SHANK2: variants seen among roughly 807,000 people sequenced by gnomAD.
SHANK2 encodes SH3 and multiple ankyrin repeat domains protein 2.
Under a neutral mutation model 133.7 loss-of-function variants are expected in SHANK2, and 43 were observed. The observed-to-expected ratio is 0.32, with a 90% CI of 0.25 to 0.41. SHANK2 has a LOEUF of 0.41. Ranked by LOEUF, SHANK2 falls within the 10% of genes least tolerant of loss-of-function variation. The pLI, the probability that SHANK2 is intolerant of heterozygous loss-of-function variation, is 1.00. For missense variants in SHANK2, 1,994 were observed against 2,235.8 expected (o/e 0.89, Z 2.18); for synonymous variants, 1,017 against 952.8 (o/e 1.07, Z -1.24).
At chr11:70,883,906 T>C (rs1949697094) in intron 11 of SHANK2, among the ~76,000 whole-genome samples, 1 of 152,220 alleles carries the variant, frequency 6.6e-6, no homozygotes, top group African/African-American at 2.4e-5. Context: ...GCCTTGGTCA[T>C]GACCTTGGTG....
At chr11:71,064,054 T>C (rs1951017975) in intron 9 of SHANK2, among the ~76,000 whole-genome samples, 1 of 151,878 alleles carries the variant, frequency 6.6e-6, no homozygotes, top group South Asian at 2.1e-4. Flanking sequence ...TCCCACTGGC[T>C]GCTGGATTCC....
At chr11:71,155,941 A>G (rs1394968392) in intron 2 of SHANK2, among the ~76,000 whole-genome samples, 1 of 152,238 alleles carries the variant, frequency 6.6e-6, no homozygotes, top group South Asian at 2.1e-4. Context: ...TTAAGGTTCC[A>G]CAAGGTCTTA....
intron 10 of SHANK2, among the ~76,000 whole-genome samples, chr11:70,951,520 T>C (rs1056750255): frequency 4.5e-5 from 6 of 134,326 alleles, no homozygotes; most frequent in African/African-American, 1.7e-4. Context: ...GCTGCTGTGC[T>C]GTGATGTCAT....
chr11:70,730,474 C>T (rs1370317130), intron 14 of SHANK2, among the ~76,000 whole-genome samples: 5 of 152,058 alleles, frequency 3.3e-5, no homozygotes, highest in South Asian at 4.1e-4. Context: ...GCATCTCACC[C>T]GACTATCCCA....
chr11:70,503,047 A>C, intron 17 of SHANK2, 116 bp from the exon 18 acceptor site: 1 of 1,127,154 alleles, frequency 8.9e-7, no homozygotes, highest in South Asian at 1.2e-5. Flanking sequence ...GCAGGGAAGC[A>C]AAGGGAGTGA....
intron 15 of SHANK2, among the ~76,000 whole-genome samples, chr11:70,662,372 C>T (rs528678507): frequency 0.011 from 1,748 of 152,302 alleles, 13 homozygotes; most frequent in Non-Finnish European, 0.02. Flanking sequence ...CGGCGGCTGC[C>T]TGGGCGTCAT....
intron 14 of SHANK2, 57 bp downstream of exon 14, chr11:70,798,386 C>A (rs566590709): frequency 4.2e-6 from 3 of 712,848 alleles, no homozygotes; most frequent in Non-Finnish European, 5.2e-6. Context: ...ACACCGACCA[C>A]GGGCCTGAGA....
At chr11:70,601,995 A>G (rs984226056) in intron 17 of SHANK2, among the ~76,000 whole-genome samples, 5 of 152,112 alleles carry the variant, frequency 3.3e-5, no homozygotes, top group Admixed American at 1.3e-4. Flanking sequence ...CTAATTCCCA[A>G]TGTTGGAGGT....
At chr11:70,722,588 T>C (rs1946095055) in intron 14 of SHANK2, among the ~76,000 whole-genome samples, 1 of 152,264 alleles carries the variant, frequency 6.6e-6, no homozygotes, top group Non-Finnish European at 1.5e-5. Context: ...TTTTATTCTA[T>C]AAGAATTTCA....
At chr11:71,205,313 A>G (rs1004158505) in intron 2 of SHANK2, among the ~76,000 whole-genome samples, 9 of 152,162 alleles carry the variant, frequency 5.9e-5, no homozygotes, top group Admixed American at 2.0e-4. Flanking sequence ...TCTGGTGGTC[A>G]TGCCTCTCTC....
At chr11:70,773,779 G>A (rs1351418991) in intron 14 of SHANK2, among the ~76,000 whole-genome samples, 2 of 152,126 alleles carry the variant, frequency 1.3e-5, no homozygotes, top group Admixed American at 1.3e-4. Context: ...TGATATATAG[G>A]TCTAATACCC....
intron 17 of SHANK2, among the ~76,000 whole-genome samples, chr11:70,642,844 A>G (rs2061202576): frequency 1.3e-5 from 2 of 152,242 alleles, no homozygotes; most frequent in Admixed American, 1.3e-4. Flanking sequence ...AATTAGATAA[A>G]GAATACAAGT....
intron 15 of SHANK2, among the ~76,000 whole-genome samples, chr11:70,684,025 C>T (rs1048339872): frequency 4.6e-5 from 7 of 152,120 alleles, no homozygotes; most frequent in Non-Finnish European, 1.0e-4. Context: ...CTCAAGTGAT[C>T]CACCTGCCTC....
Position 70,489,090 on chromosome 11 carries a change from A to C in SHANK2, c.2572+238T>G. The C allele has an allele frequency of 5.5e-6, 3 of 541,136 alleles. No homozygotes were observed. The South Asian group carries it at 6.8e-5, about 12-fold the overall frequency. 33.5% of individuals were successfully genotyped at this position (541,136 alleles called of 1,614,324 possible). On this transcript the variant is annotated intron_variant, in intron 24 of 25. Transcript: ENST00000601538. ...AAAAAGTCCTAGGACAAACTACAATAATTTATTCCAATGAAAACTTCCATT... is the reference window on the plus strand; with the variant it reads ...AAAAAGTCCTAGGACAAACTACAATCATTTATTCCAATGAAAACTTCCATT...
intron 14 of SHANK2, among the ~76,000 whole-genome samples, chr11:70,731,760 G>A (rs1946294209): frequency 6.6e-6 from 1 of 152,160 alleles, no homozygotes; most frequent in Non-Finnish European, 1.5e-5. Flanking sequence ...ATTCTCTGGG[G>A]CTCTCTTCTT....
intron 1 of SHANK2, among the ~76,000 whole-genome samples, chr11:71,240,309 G>A (rs563321741): frequency 1.3e-5 from 2 of 152,158 alleles, no homozygotes; most frequent in Non-Finnish European, 2.9e-5. Flanking sequence ...AATTCTCAAT[G>A]AGCTCTGGGG....
At chr11:70,617,168 C>T (rs1243022747) in intron 17 of SHANK2, among the ~76,000 whole-genome samples, 2 of 150,488 alleles carry the variant, frequency 1.3e-5, no homozygotes, top group Non-Finnish European at 3.0e-5. Flanking sequence ...TGTGAGCTGT[C>T]TGTGTGTGTG....
At chr11:70,712,355 G>C (rs1555026359) in intron 14 of SHANK2, among the ~76,000 whole-genome samples, 2 of 152,276 alleles carry the variant, frequency 1.3e-5, no homozygotes, top group South Asian at 4.2e-4. Flanking sequence ...TGACCATGAG[G>C]CTGATGTATT....
chr11:71,063,472 ATCTACCCGCTCCT>A (rs1410757561), intron 9 of SHANK2, among the ~76,000 whole-genome samples: 10 of 152,236 alleles, frequency 6.6e-5, no homozygotes, highest in Non-Finnish European at 1.0e-4. Flanking sequence ...CAAAATGCCC[ATCTACCCGCTCCT>A]TCTGGTTTAA....
Sources: allele counts gnomAD v4.1 joint callset (sites outside exome capture counted in the v4.1 genomes callset), GRCh38; gene constraint gnomAD v4.1.1; transcripts MANE v1.5; gene names NCBI Gene and HGNC (gene_info 2026-07-23, HGNC 2026-07-21).